Variants in UBE2U observed in about 807,000 individuals in gnomAD.
UBE2U encodes the protein ubiquitin-conjugating enzyme E2 U.
Under a neutral mutation model 41.2 loss-of-function variants are expected in UBE2U, and 39 were observed. That is an observed-to-expected ratio of 0.95 (90% CI 0.73 to 1.24). The LOEUF is 1.24. Among genes scored for constraint, UBE2U ranks in the 50% most tolerant of loss-of-function variants. The pLI is 0.00. For synonymous variants in UBE2U, 107 were observed against 117.8 expected (o/e 0.91, Z 0.60); for missense variants, 336 against 363.1 (o/e 0.93, Z 0.61).
intron 7 of UBE2U, among the ~76,000 whole-genome samples, chr1:64,237,832 T>TG (rs1361487175): frequency 6.6e-6 from 1 of 152,214 alleles, no homozygotes; most frequent in Non-Finnish European, 1.5e-5. Context: ...CCGTGTCATT[T>TG]GGGGTTTCAT....
At chr1:64,263,637 A>AAGGGAAG (rs1490863340) in intron 9 of UBE2U, among the ~76,000 whole-genome samples, 2 of 152,190 alleles carry the variant, frequency 1.3e-5, no homozygotes, top group Non-Finnish European at 2.9e-5. Flanking sequence ...TAGGATATCA[A>AAGGGAAG]AGGGAAGTAT....
intron 6 of UBE2U, among the ~76,000 whole-genome samples, chr1:64,231,114 G>C (rs1415498546): frequency 1.3e-5 from 2 of 151,924 alleles, no homozygotes; most frequent in Non-Finnish European, 2.9e-5. Context: ...TACCTTTTAG[G>C]GTAATATTTT....
intron 8 of UBE2U, among the ~76,000 whole-genome samples, chr1:64,253,762 A>G (rs1456230877): frequency 2.6e-5 from 4 of 152,202 alleles, no homozygotes; most frequent in Non-Finnish European, 5.9e-5. Flanking sequence ...TCCTGAAGAA[A>G]GCACTAAATA....
intron 6 of UBE2U, 101 bp from the exon 7 acceptor site, chr1:64,232,460 T>A: frequency 1.4e-6 from 1 of 726,698 alleles, no homozygotes; most frequent in African/African-American, 1.8e-5. Context: ...GTTTAATATC[T>A]TGTGACAAGA....
At chr1:64,239,175 G>GA (rs1322153252) in intron 7 of UBE2U, among the ~76,000 whole-genome samples, 80 of 95,436 alleles carry the variant, frequency 8.4e-4, no homozygotes, top group African/African-American at 6.6e-4. Flanking sequence ...AGAAGAAGAA[G>GA]AAGAAGAAGA....
At chr1:64,207,446 G>A (rs1352165773) in intron 3 of UBE2U, among the ~76,000 whole-genome samples, 1 of 152,110 alleles carries the variant, frequency 6.6e-6, no homozygotes, top group African/African-American at 2.4e-5. Context: ...GCCTGGCCTA[G>A]GTTTTTAATT....
chr1:64,263,031 GA>G (rs1159479015), intron 9 of UBE2U, among the ~76,000 whole-genome samples: 2 of 143,704 alleles, frequency 1.4e-5, no homozygotes, highest in Non-Finnish European at 3.1e-5. Context: ...TGATTTGGGG[GA>G]AAAAAAGGTG....
At chr1:64,238,723 A>G (rs192590336) in intron 7 of UBE2U, among the ~76,000 whole-genome samples, 12 of 152,098 alleles carry the variant, frequency 7.9e-5, no homozygotes, top group Admixed American at 2.0e-4. Flanking sequence ...ATCAAGCTAA[A>G]AGGGGTAAGT....
chr1:64,232,953 C>T lies in UBE2U; in HGVS notation c.595+304C>T, dbSNP rs192278674. 2.6e-5 allele frequency among the ~76,000 whole-genome samples: 4 copies of T among 152,082 alleles called. No homozygotes were observed. In the East Asian group the frequency reaches 7.7e-4, roughly 29 times the overall value. On this transcript the variant is annotated intron_variant, in intron 7 of 9. Transcript: ENST00000371077. The stretch of plus-strand genomic sequence containing the variant: ...TCAAGCGATCTTCCTGCTTCAGCCT[C>T]CTGAGTAGCTAGGATTATAGGCAAA...
rs536941262 is a variant in UBE2U, at chr1:64,244,225, T to G, written c.677+2492T>G. On this transcript the variant is annotated intron_variant, in intron 8 of 9. Transcript: ENST00000371077. ...AATTCTTAACCACTCTGAACTTGTTTTTTTATCTGTTAAATGGAGATAACC... is the reference window on the plus strand; with the variant it reads ...AATTCTTAACCACTCTGAACTTGTTGTTTTATCTGTTAAATGGAGATAACC... 1,350 of 1,559,402 alleles carry G rather than the reference T, an allele frequency of 8.7e-4. 2 individuals are homozygous for G. Among genetic ancestry groups the G allele is most frequent in the Middle Eastern group, 6.0e-3 (35 of 5,786 alleles).
Position 64,245,888 on chromosome 1 carries a change from A to G in UBE2U, c.677+4155A>G, listed in dbSNP as rs185252483. Among the ~76,000 whole-genome samples, 457 of 152,274 alleles carry G rather than the reference A, an allele frequency of 3.0e-3. 1 individual carries two copies. Among genetic ancestry groups the G allele is most frequent in the African/African-American group, 0.01 (425 of 41,560 alleles). On this transcript the variant is annotated intron_variant, in intron 8 of 9. Transcript: ENST00000371077. The stretch of plus-strand genomic sequence containing the variant: ...ATATTATCTCTAGTTTACCAGTGAG[A>G]GAAATGGAGGCACAGAGATTAGCGA...
In UBE2U at chr1:64,234,096, C is replaced by T. The variant is rs569283910; in HGVS notation, c.595+1447C>T. Among the ~76,000 whole-genome samples, 109 of 152,284 alleles carry T rather than the reference C, an allele frequency of 7.2e-4. No homozygotes were observed. In the Middle Eastern group the frequency reaches 0.01, roughly 14 times the overall value. On this transcript the variant is annotated intron_variant, in intron 7 of 9. Coordinates refer to ENST00000371077, the MANE Select transcript of UBE2U (RefSeq NM_001366232.2). ...TGGTTTTCATTTGCTTACAGTCCAG[C>T]GATTCCTAAAGCTGCATCTCTAGCC...
Position 64,206,761 on chromosome 1 carries a change from T to C in UBE2U, c.149-3T>C. On this transcript the variant is annotated splice_region_variant and splice_polypyrimidine_tract_variant and intron_variant, in intron 2 of 9. Coordinates refer to ENST00000371077, the MANE Select transcript of UBE2U (RefSeq NM_001366232.2). ...AGTAAAAATGTTTATTTCTATATTA[T>C]AGGTTTAGTCTTCCAACTGACAATA... 1.9e-6 allele frequency: 3 copies of C among 1,549,054 alleles called. No homozygotes were observed. The highest frequency in any genetic ancestry group is 2.7e-6 in the Non-Finnish European group (3 of 1,127,376).
chr1:64,245,957 T>G (rs1204668090), intron 8 of UBE2U, among the ~76,000 whole-genome samples: 3 of 152,192 alleles, frequency 2.0e-5, no homozygotes, highest in Admixed American at 2.0e-4. Context: ...ATTTGCAAAT[T>G]AAAACTAAAC....
intron 7 of UBE2U, among the ~76,000 whole-genome samples, chr1:64,239,093 G>GAAGA (rs1644738900): frequency 1.0e-3 from 5 of 4,766 alleles, no homozygotes; most frequent in African/African-American, 5.1e-3. Flanking sequence ...AGAGGAAGAG[G>GAAGA]AAGAAGAAGA....
intron 8 of UBE2U, among the ~76,000 whole-genome samples, chr1:64,243,776 C>T (rs796320175): frequency 1.8e-4 from 28 of 152,234 alleles, no homozygotes; most frequent in African/African-American, 5.8e-4. Context: ...CCTTCTGCCT[C>T]GGATCAGCAA....
chr1:64,207,623 A>G (rs1651386047), intron 3 of UBE2U, among the ~76,000 whole-genome samples: 1 of 152,190 alleles, frequency 6.6e-6, no homozygotes, highest in South Asian at 2.1e-4. Flanking sequence ...CTTTTTTTAA[A>G]TAAAAGGTAA....
rs1569987409 is a variant in UBE2U, at chr1:64,218,187, C to T, written c.458-2672C>T. ...TTCAAGAACATGAGCTTTTTTAGCA[C>T]CATCATTCAGAACCAGTTTTGTTGT... On this transcript the variant is annotated intron_variant, in intron 5 of 9. Coordinates refer to ENST00000371077, the MANE Select transcript of UBE2U (RefSeq NM_001366232.2). Among the ~76,000 whole-genome samples the T allele has an allele frequency of 2.0e-5, 3 of 152,164 alleles. No homozygotes were observed. The South Asian group carries it at 6.2e-4, about 32-fold the overall frequency.
intron 4 of UBE2U, among the ~76,000 whole-genome samples, chr1:64,213,721 T>C (rs1174621182): frequency 6.6e-6 from 1 of 152,232 alleles, no homozygotes; most frequent in African/African-American, 2.4e-5. Context: ...ATGGTATGTA[T>C]ATTGCCATGT....
Sources: gnomAD v4.1 joint callset for allele counts (sites outside exome capture counted in the v4.1 genomes callset) on GRCh38, gnomAD v4.1.1 for gene constraint, MANE v1.5 for transcripts, NCBI Gene and HGNC (gene_info 2026-07-23, HGNC 2026-07-21) for gene names.